Variants in STARD13 observed in about 807,000 individuals in gnomAD.
STARD13 encodes the protein StAR related lipid transfer domain containing 13.
A neutral mutation model predicts 106.4 loss-of-function variants in STARD13; 62 were observed. That is an observed-to-expected ratio of 0.58 (90% CI 0.48 to 0.72). The LOEUF (loss-of-function observed/expected upper bound fraction) is 0.72. Among genes scored for constraint, STARD13 ranks in the 30% least tolerant of loss-of-function variants. STARD13 has a pLI of 0.00. For missense variants in STARD13, 1,387 were observed against 1,424.0 expected (o/e 0.97, Z 0.42); for synonymous variants, 565 against 553.0 (o/e 1.02, Z -0.31).
At chr13:33,235,042 T>G (rs1889118208) in intron 1 of STARD13, among the ~76,000 whole-genome samples, 1 of 152,198 alleles carries the variant, frequency 6.6e-6, no homozygotes, top group Non-Finnish European at 1.5e-5. Flanking sequence ...TTGAAGCCAT[T>G]AGTACAGTGG....
In STARD13 at chr13:33,130,818, T is replaced by C. The variant is rs571981639; in HGVS notation, c.388-529A>G. 2.6e-5 allele frequency among the ~76,000 whole-genome samples: 4 copies of C among 152,340 alleles called. No individual in the cohort carries two copies. Among genetic ancestry groups the C allele is most frequent in the Admixed American group, 2.6e-4 (4 of 15,306 alleles). The stretch of plus-strand genomic sequence containing the variant: ...TTTAGTCCCCTGCACTTGATTCTTA[T>C]CGTGTATTCCCTGGATAAGGTAACA... On this transcript the variant is annotated intron_variant, in intron 4 of 13. Coordinates refer to ENST00000336934, the MANE Select transcript of STARD13 (RefSeq NM_178006.4). This position sits in a 1 kb window ranked among gnomAD's most constrained non-coding sequence, Gnocchi z 4.1.
intron 4 of STARD13, among the ~76,000 whole-genome samples, chr13:33,136,545 C>A (rs9568890): frequency 0.33 from 49,424 of 152,018 alleles, 8,759 homozygotes; most frequent in Non-Finnish European, 0.41. Flanking sequence ...ATATACCTAC[C>A]TTTCCCTAAT....
the STARD13 span, among the ~76,000 whole-genome samples, chr13:33,528,226 G>GTATATATATATATACA: frequency 9.9e-6 from 1 of 101,002 alleles, no homozygotes; most frequent in Admixed American, 1.0e-4. Context: ...GTGTGTGTGT[G>GTATATATATATATACA]TATATATATA....
At chr13:33,513,667 C>T in the STARD13 span, among the ~76,000 whole-genome samples, 1 of 152,090 alleles carries the variant, frequency 6.6e-6, no homozygotes, top group Non-Finnish European at 1.5e-5. Flanking sequence ...CTCATGCTCA[C>T]AAAGTTTAGA....
At chr13:33,175,943 T>G (rs1884472122) in intron 1 of STARD13, among the ~76,000 whole-genome samples, 1 of 152,208 alleles carries the variant, frequency 6.6e-6, no homozygotes, top group Non-Finnish European at 1.5e-5. Flanking sequence ...CCCAAGAAGA[T>G]TTCATGATAG....
chr13:33,289,912 G>T (rs1417609644), upstream of STARD13, among the ~76,000 whole-genome samples: 1 of 151,192 alleles, frequency 6.6e-6, no homozygotes, highest in Non-Finnish European at 1.5e-5. Flanking sequence ...CCTTTCCAGG[G>T]TAGTTTATTC....
chr13:33,619,542 G>T, the STARD13 span, among the ~76,000 whole-genome samples: 200 of 152,142 alleles, frequency 1.3e-3, 1 homozygote, highest in Admixed American at 2.4e-3. Context: ...CTACATTATT[G>T]TAATTCTTAG....
At chr13:33,452,287 C>G in the STARD13 span, among the ~76,000 whole-genome samples, 1 of 151,322 alleles carries the variant, frequency 6.6e-6, no homozygotes, top group African/African-American at 2.4e-5. Flanking sequence ...ACTCTCAGTT[C>G]TCTGGGGTAT....
chr13:33,153,127 T>A (rs146795816), intron 3 of STARD13, among the ~76,000 whole-genome samples: 194 of 152,294 alleles, frequency 1.3e-3, no homozygotes, highest in African/African-American at 4.6e-3. Context: ...CATCAAGTAA[T>A]TTGAGAACTG....
intron 1 of STARD13, among the ~76,000 whole-genome samples, chr13:33,213,247 T>C (rs1887826926): frequency 6.6e-6 from 1 of 152,182 alleles, no homozygotes; most frequent in Admixed American, 6.5e-5. Flanking sequence ...AGGATTTCTA[T>C]GTCAATATTT....
At chr13:33,274,844 C>G (rs1891340040) in intron 1 of STARD13, among the ~76,000 whole-genome samples, 1 of 152,136 alleles carries the variant, frequency 6.6e-6, no homozygotes, top group Non-Finnish European at 1.5e-5. Flanking sequence ...CCATCTATTA[C>G]CAGTTAATGA....
the STARD13 span, among the ~76,000 whole-genome samples, chr13:33,565,316 T>A: frequency 2.0e-5 from 3 of 147,280 alleles, no homozygotes; most frequent in Non-Finnish European, 4.5e-5. Flanking sequence ...ATTGTACATT[T>A]CTAAAGAGCT....
intron 7 of STARD13, among the ~76,000 whole-genome samples, chr13:33,121,351 G>T (rs1876265748): frequency 6.6e-6 from 1 of 152,044 alleles, no homozygotes; most frequent in Non-Finnish European, 1.5e-5. Flanking sequence ...TGGATTGTCT[G>T]AGGTCAGGAG....
At chr13:33,182,252 G>A (rs368624627) in intron 1 of STARD13, among the ~76,000 whole-genome samples, 17 of 152,164 alleles carry the variant, frequency 1.1e-4, no homozygotes, top group African/African-American at 3.4e-4. Context: ...TTCATCACCC[G>A]TTTAAAACAC....
At position 33,127,131 on chromosome 13, in the gene STARD13, T is replaced by C. The variant is rs1330857607; in HGVS notation, c.1922+242A>G. 2.6e-5 allele frequency among the ~76,000 whole-genome samples: 4 copies of C among 152,256 alleles called. No homozygotes were observed. In the East Asian group the frequency reaches 7.7e-4, roughly 29 times the overall value. On this transcript the variant is annotated intron_variant, in intron 6 of 13. Transcript: ENST00000336934. ...TTAATCACCCTTTACTTGTCTCTTT[T>C]TCCTTTCTTGGAGCCTGACTGCCTT...
chr13:33,576,727 G>C, the STARD13 span, among the ~76,000 whole-genome samples: 2 of 152,106 alleles, frequency 1.3e-5, no homozygotes, highest in Non-Finnish European at 1.5e-5. Context: ...AGATAGGTGG[G>C]ATAAAAATAA....
At chr13:33,518,874 C>CA in the STARD13 span, among the ~76,000 whole-genome samples, 76,193 of 151,780 alleles carry the variant, frequency 0.5, 19,897 homozygotes, top group African/African-American at 0.66. Flanking sequence ...CTATTTCTAC[C>CA]CCTGGTCAGA....
chr13:33,319,109 CA>C (rs1893454174), intron 1 of STARD13, among the ~76,000 whole-genome samples: 1 of 152,210 alleles, frequency 6.6e-6, no homozygotes, highest in Non-Finnish European at 1.5e-5. Flanking sequence ...ATGCTCACAG[CA>C]TTATTCATCG....
chr13:33,592,702 T>A, the STARD13 span, among the ~76,000 whole-genome samples: 7 of 152,236 alleles, frequency 4.6e-5, no homozygotes, highest in Non-Finnish European at 8.8e-5. Context: ...AAGAACTAAC[T>A]CCTGATTCCT....
Sources: allele counts gnomAD v4.1 joint callset (sites outside exome capture counted in the v4.1 genomes callset), GRCh38; gene constraint gnomAD v4.1.1; non-coding constraint Gnocchi (gnomAD v3.1); transcripts MANE v1.5; gene names NCBI Gene and HGNC (gene_info 2026-07-23, HGNC 2026-07-21).